QTMAN: variants seen among roughly 807,000 people sequenced by gnomAD.
QTMAN encodes queuosine-tRNA mannosyltransferase, also known as tRNA-queuosine alpha-mannosyltransferase.
At chr2:144,033,990 G>C in the QTMAN span, among the ~76,000 whole-genome samples, 12 of 152,204 alleles carry the variant, frequency 7.9e-5, no homozygotes, top group African/African-American at 2.9e-4. Context: ...TGTGGGTGCA[G>C]AATAAAGCTG....
At chr2:144,081,086 C>T in the QTMAN span, among the ~76,000 whole-genome samples, 1 of 152,198 alleles carries the variant, frequency 6.6e-6, no homozygotes, top group Non-Finnish European at 1.5e-5. Context: ...CTTACTATTG[C>T]CAATTATGTT....
At chr2:144,082,177 G>A in the QTMAN span, among the ~76,000 whole-genome samples, 15 of 152,222 alleles carry the variant, frequency 9.9e-5, no homozygotes, top group South Asian at 4.1e-4. Context: ...GATTACAGGC[G>A]TGAGTCACTC....
At chr2:144,332,627 C>T in the QTMAN span, 5 of 151,110 alleles carry the variant, frequency 3.3e-5, no homozygotes, top group African/African-American at 1.2e-4. Context: ...GCAATCGAGG[C>T]TCCGCCTCTC....
At chr2:144,303,295 A>G in the QTMAN span, among the ~76,000 whole-genome samples, 3 of 152,210 alleles carry the variant, frequency 2.0e-5, no homozygotes, top group African/African-American at 7.2e-5. Context: ...AACGTAGAAT[A>G]TGCAGACAGG....
chr2:144,204,476 TAA>T, the QTMAN span, among the ~76,000 whole-genome samples: 2 of 152,128 alleles, frequency 1.3e-5, no homozygotes, highest in Non-Finnish European at 2.9e-5. Flanking sequence ...TGATGATCAT[TAA>T]AAAGTCAGAA....
chr2:143,967,115 C>A, the QTMAN span, among the ~76,000 whole-genome samples: 1 of 152,128 alleles, frequency 6.6e-6, no homozygotes, highest in Non-Finnish European at 1.5e-5. Flanking sequence ...TGTTTCCCTA[C>A]CTATAAAATG....
At chr2:144,228,495 T>C in the QTMAN span, among the ~76,000 whole-genome samples, 5 of 152,190 alleles carry the variant, frequency 3.3e-5, no homozygotes, top group African/African-American at 1.2e-4. Context: ...TTCTATAGTA[T>C]GGTATATAAC....
At chr2:144,035,983 C>T in the QTMAN span, among the ~76,000 whole-genome samples, 1 of 152,118 alleles carries the variant, frequency 6.6e-6, no homozygotes, top group African/African-American at 2.4e-5. Context: ...AAACTAATCC[C>T]AGGATACCAG....
chr2:143,969,262 C>T, the QTMAN span, among the ~76,000 whole-genome samples: 1 of 152,182 alleles, frequency 6.6e-6, no homozygotes, highest in Non-Finnish European at 1.5e-5. Flanking sequence ...AATTAACACT[C>T]GAAACCACCT....
the QTMAN span, among the ~76,000 whole-genome samples, chr2:144,100,031 C>T: frequency 6.6e-6 from 1 of 152,066 alleles, no homozygotes; most frequent in African/African-American, 2.4e-5. Context: ...AAGTGGAATG[C>T]GAGTTTAACA....
the QTMAN span, among the ~76,000 whole-genome samples, chr2:144,212,605 T>A: frequency 6.6e-6 from 1 of 152,148 alleles, no homozygotes; most frequent in African/African-American, 2.4e-5. Context: ...TGCATGGCGC[T>A]CAGAATAGTA....
At chr2:144,193,902 A>C in the QTMAN span, among the ~76,000 whole-genome samples, 151 of 152,300 alleles carry the variant, frequency 9.9e-4, 1 homozygote, top group Non-Finnish European at 1.9e-3. Context: ...AAAAGAGAGA[A>C]TAAAAATCTG....
the QTMAN span, among the ~76,000 whole-genome samples, chr2:144,328,920 G>A: frequency 1.3e-5 from 2 of 152,070 alleles, no homozygotes; most frequent in African/African-American, 2.4e-5. Context: ...GTGTTGGTTT[G>A]TACTTCCAAG....
the QTMAN span, among the ~76,000 whole-genome samples, chr2:144,005,019 A>AT: frequency 6.6e-4 from 100 of 151,846 alleles, no homozygotes; most frequent in East Asian, 0.018. Context: ...AGAGTTTGAT[A>AT]TTTTTTTTAT....
chr2:143,995,656 A>G, the QTMAN span, among the ~76,000 whole-genome samples: 5 of 152,210 alleles, frequency 3.3e-5, no homozygotes, highest in East Asian at 7.7e-4. Flanking sequence ...CTACTATGCT[A>G]TAACTATAAC....
the QTMAN span, among the ~76,000 whole-genome samples, chr2:144,282,706 T>C: frequency 2.6e-5 from 4 of 152,094 alleles, no homozygotes; most frequent in Non-Finnish European, 5.9e-5. Context: ...TCTAAATCCC[T>C]TGGAATTTCC....
chr2:144,138,273 C>G, the QTMAN span, among the ~76,000 whole-genome samples: 2 of 151,968 alleles, frequency 1.3e-5, no homozygotes, highest in African/African-American at 2.4e-5. Flanking sequence ...AGTGGTGACC[C>G]TGACTAAAAC....
At chr2:144,283,790 A>C in the QTMAN span, among the ~76,000 whole-genome samples, 1 of 152,142 alleles carries the variant, frequency 6.6e-6, no homozygotes, top group Non-Finnish European at 1.5e-5. Flanking sequence ...TAAGTTACTA[A>C]AAATGAGAAC....
At chr2:144,142,001 G>A in the QTMAN span, 2 of 1,609,346 alleles carry the variant, frequency 1.2e-6, no homozygotes, top group Admixed American at 3.3e-5. Context: ...CCATGGAAGT[G>A]AGAAATGATT....
Sources: gnomAD v4.1 joint callset for allele counts (sites outside exome capture counted in the v4.1 genomes callset) on GRCh38, gnomAD v4.1.1 for gene constraint, MANE v1.5 for transcripts, NCBI Gene and HGNC (gene_info 2026-07-23, HGNC 2026-07-21) for gene names.